The following STEAP1B variants were observed in gnomAD, a reference collection of about 807,000 sequenced individuals.
STEAP1B encodes STEAP family protein MGC87042.
In STEAP1B, 13 loss-of-function variants were observed where a neutral mutation model predicts 27.9. The ratio of observed to expected loss-of-function variants is 0.47; its 90% CI spans 0.30 to 0.74. The LOEUF (loss-of-function observed/expected upper bound fraction) is 0.74. STEAP1B is among the 30% of genes least tolerant of loss of function. The pLI, the probability that STEAP1B is intolerant of heterozygous loss-of-function variation, is 0.06. For synonymous variants in STEAP1B, 86 were observed against 107.1 expected (o/e 0.80, Z 1.22); for missense variants, 250 against 298.7 (o/e 0.84, Z 1.20).
chr7:22,441,833 G>C (rs1156825606), intron 4 of STEAP1B, among the ~76,000 whole-genome samples: 1 of 152,248 alleles, frequency 6.6e-6, no homozygotes, highest in Non-Finnish European at 1.5e-5. Context: ...TTCACCACCT[G>C]TATATAAACT....
At chr7:22,432,843 A>G (rs147278936) in intron 4 of STEAP1B, among the ~76,000 whole-genome samples, 1 of 152,334 alleles carries the variant, frequency 6.6e-6, no homozygotes, top group Non-Finnish European at 1.5e-5. Flanking sequence ...ACTACGGATT[A>G]CATAGGTAAG....
At chr7:22,461,366 G>C (rs1242057953) in intron 4 of STEAP1B, among the ~76,000 whole-genome samples, 1 of 152,204 alleles carries the variant, frequency 6.6e-6, no homozygotes, top group East Asian at 1.9e-4. Context: ...GGGTTCAAGC[G>C]ATTCTCCCTG....
chr7:22,479,156 TA>T (rs1014690123), intron 4 of STEAP1B, among the ~76,000 whole-genome samples: 2 of 152,198 alleles, frequency 1.3e-5, no homozygotes, highest in African/African-American at 2.4e-5. Context: ...CCTACATTAT[TA>T]CTATCATTTC....
chr7:22,426,545 T>C (rs1005100147), intron 4 of STEAP1B, among the ~76,000 whole-genome samples: 1 of 152,172 alleles, frequency 6.6e-6, no homozygotes, highest in Non-Finnish European at 1.5e-5. Context: ...AAAAACTACC[T>C]ACAGCTTCAG....
chr7:22,467,313 C>T (rs1223643735), intron 4 of STEAP1B, among the ~76,000 whole-genome samples: 1 of 152,148 alleles, frequency 6.6e-6, no homozygotes, highest in Non-Finnish European at 1.5e-5. Flanking sequence ...CCTGCCAGCT[C>T]CCAATTAGTC....
At chr7:22,452,632 C>G (rs1385451722) in intron 4 of STEAP1B, among the ~76,000 whole-genome samples, 1 of 152,116 alleles carries the variant, frequency 6.6e-6, no homozygotes, top group African/African-American at 2.4e-5. Context: ...CTTTTACTCT[C>G]TCCTCTCCCC....
rs57969119 is a variant in STEAP1B, at chr7:22,492,490, G to A, written c.762+75C>T. On this transcript the variant is annotated intron_variant, in intron 4 of 4. Coordinates refer to ENST00000678116, the MANE Select transcript of STEAP1B (RefSeq NM_001382447.1). ...AAAAACATTTGTTATTTTTTATGGG[G>A]TAAAGCCAACATATTCTATATCATA... The A allele has an allele frequency of 7.8e-4, 1,141 of 1,462,832 alleles. 4 individuals are homozygous for A. The African/African-American group carries it at 0.015, about 19-fold the overall frequency. The allele number at this position is 1,462,832 out of a possible 1,614,324, so 90.6% of individuals were successfully genotyped here.
At chr7:22,478,941 T>A (rs948112088) in intron 4 of STEAP1B, among the ~76,000 whole-genome samples, 1 of 152,064 alleles carries the variant, frequency 6.6e-6, no homozygotes, top group Non-Finnish European at 1.5e-5. Context: ...ACGGTGCAAG[T>A]GGAGGTGCTC....
Position 22,456,952 on chromosome 7 carries a change from C to CCATATATATATATA in STEAP1B, c.762+35612_762+35613insTATATATATATATG, listed in dbSNP as rs1478025290. ...TTCAGAATGGGGGTGGGATAGGCAG[C>CCATATATATATATA]TATATATATATATATATATATTTTT... On this transcript the variant is annotated intron_variant, in intron 4 of 4. Transcript: ENST00000678116. Among the ~76,000 whole-genome samples the CCATATATATATATA allele has an allele frequency of 5.5e-5, 4 of 73,274 alleles. No homozygotes were observed. In the East Asian group the frequency reaches 2.1e-3, roughly 39 times the overall value. The allele number at this position is 73,274 out of a possible 152,430, so 48.1% of individuals were successfully genotyped here.
rs542078572 is a variant in STEAP1B at position 22,427,749 on chromosome 7, A to G, written c.763-7913T>C. ...AAGGAATGAAGTGAGTAATAAATGT[A>G]CCTTTGAGAGGCTCGATCCAACTAA... is the stretch of plus-strand genomic sequence containing the variant. On this transcript the variant is annotated intron_variant, in intron 4 of 4. Transcript: ENST00000678116. 2.4e-4 allele frequency among the ~76,000 whole-genome samples: 36 copies of G among 152,342 alleles called. No homozygotes were observed. In the South Asian group the frequency reaches 6.0e-3, roughly 25 times the overall value.
At chr7:22,438,540 T>C (rs1198853745) in intron 4 of STEAP1B, 3 of 1,551,930 alleles carry the variant, frequency 1.9e-6, no homozygotes, top group Non-Finnish European at 2.6e-6. Context: ...TGAGATTTTC[T>C]AGATGAAGCT....
At chr7:22,434,925 A>G (rs1013694149) in intron 4 of STEAP1B, among the ~76,000 whole-genome samples, 1 of 152,196 alleles carries the variant, frequency 6.6e-6, no homozygotes, top group African/African-American at 2.4e-5. Flanking sequence ...ATCATTCTAC[A>G]ATGGTGGAAA....
At chr7:22,458,323 G>A (rs935536287) in intron 4 of STEAP1B, among the ~76,000 whole-genome samples, 1 of 152,150 alleles carries the variant, frequency 6.6e-6, no homozygotes, top group Non-Finnish European at 1.5e-5. Flanking sequence ...GGGGCCATGG[G>A]AGCACCCAGT....
intron 4 of STEAP1B, among the ~76,000 whole-genome samples, chr7:22,478,318 G>A (rs1786009051): frequency 6.6e-6 from 1 of 152,220 alleles, no homozygotes; most frequent in African/African-American, 2.4e-5. Context: ...GCTGAGACTT[G>A]TTGCTAAGAA....
chr7:22,488,161 AC>A (rs2128416095), intron 4 of STEAP1B, among the ~76,000 whole-genome samples: 1 of 151,892 alleles, frequency 6.6e-6, no homozygotes, highest in East Asian at 1.9e-4. Flanking sequence ...CCTTGACTCC[AC>A]CCCCTCCCAA....
At chr7:22,420,552 C>T (rs894880360) in intron 4 of STEAP1B, among the ~76,000 whole-genome samples, 6 of 152,216 alleles carry the variant, frequency 3.9e-5, no homozygotes, top group African/African-American at 9.6e-5. Flanking sequence ...GCTACAAATC[C>T]GGCTTTGTTC....
intron 4 of STEAP1B, among the ~76,000 whole-genome samples, chr7:22,443,733 A>G (rs1449968099): frequency 6.6e-6 from 1 of 152,236 alleles, no homozygotes; most frequent in Non-Finnish European, 1.5e-5. Context: ...GCTGGCTGTC[A>G]TGGTAGCTGG....
intron 4 of STEAP1B, among the ~76,000 whole-genome samples, chr7:22,450,250 C>A (rs1785466679): frequency 6.6e-6 from 1 of 152,168 alleles, no homozygotes; most frequent in Non-Finnish European, 1.5e-5. Context: ...AACTTTTGCC[C>A]AGACCAATGT....
Position 22,481,959 on chromosome 7 carries a change from T to G in STEAP1B, c.762+10606A>C, listed in dbSNP as rs968081160. Among the ~76,000 whole-genome samples the G allele has an allele frequency of 1.2e-4, 19 of 152,208 alleles. 1 individual carries two copies. Among genetic ancestry groups the G allele is most frequent in the Admixed American group, 4.6e-4 (7 of 15,282 alleles). On this transcript the variant is annotated intron_variant, in intron 4 of 4. Coordinates refer to ENST00000678116, the MANE Select transcript of STEAP1B (RefSeq NM_001382447.1). The stretch of plus-strand genomic sequence containing the variant: ...TGTTTCCATGAAGATTCATGCCTAA[T>G]TAAGTAAAACCCACGAAAGCCGGAA...
Sources: gnomAD v4.1 joint callset for allele counts (sites outside exome capture counted in the v4.1 genomes callset) on GRCh38, gnomAD v4.1.1 for gene constraint, MANE v1.5 for transcripts, NCBI Gene and HGNC (gene_info 2026-07-23, HGNC 2026-07-21) for gene names.